Variants in POLR3B observed in about 807,000 individuals in gnomAD.
POLR3B encodes the protein DNA-directed RNA polymerase III subunit RPC2.
POLR3B carries 96 observed loss-of-function variants against 147.4 expected under a neutral mutation model. The ratio of observed to expected loss-of-function variants is 0.65; its 90% CI spans 0.55 to 0.77. The LOEUF is 0.77. POLR3B is among the 30% of genes least tolerant of loss of function. POLR3B has a pLI of 0.00. For synonymous variants in POLR3B, 461 were observed against 485.9 expected (o/e 0.95, Z 0.67); for missense variants, 1,036 against 1,413.5 (o/e 0.73, Z 4.28).
At chr12:106,425,377 G>A (rs1023044831) in intron 12 of POLR3B, among the ~76,000 whole-genome samples, 4 of 152,130 alleles carry the variant, frequency 2.6e-5, no homozygotes, top group Admixed American at 1.3e-4. Flanking sequence ...GACCTCTTCC[G>A]GGGGTAGACT....
At chr12:106,448,417 T>TA (rs1275279731) in intron 19 of POLR3B, among the ~76,000 whole-genome samples, 5 of 145,546 alleles carry the variant, frequency 3.4e-5, no homozygotes, top group Non-Finnish European at 4.5e-5. Context: ...ATTCTTTACA[T>TA]ACGTTATTTC....
chr12:106,358,171 G>C (rs548530540), intron 1 of POLR3B: 33 of 1,438,648 alleles, frequency 2.3e-5, no homozygotes, highest in African/African-American at 5.7e-5. Flanking sequence ...AGCCGCTGCG[G>C]GGGCCGAGAA....
chr12:106,432,517 T>G (rs763109111), intron 15 of POLR3B, 37 bp downstream of exon 15: 97 of 1,532,086 alleles, frequency 6.3e-5, no homozygotes, highest in Non-Finnish European at 8.7e-5. Context: ...TCCTAGATAG[T>G]CTGTGAAGAG....
At chr12:106,459,891 T>C (rs2037912723) in intron 22 of POLR3B, among the ~76,000 whole-genome samples, 1 of 152,218 alleles carries the variant, frequency 6.6e-6, no homozygotes, top group Non-Finnish European at 1.5e-5. Flanking sequence ...AGAGTTAGAC[T>C]TGTTAATCTC....
chr12:106,422,276 C>T (rs1379443507), intron 12 of POLR3B, among the ~76,000 whole-genome samples: 3 of 152,102 alleles, frequency 2.0e-5, no homozygotes, highest in Admixed American at 2.0e-4. Flanking sequence ...GCATCGTCCC[C>T]TTCTCCCTCT....
chr12:106,413,231 A>G (rs1200579953), intron 12 of POLR3B, among the ~76,000 whole-genome samples: 4 of 151,946 alleles, frequency 2.6e-5, no homozygotes, highest in African/African-American at 7.2e-5. Context: ...GATTTCCCCA[A>G]TGTTTTCTTC....
At chr12:106,489,251 CA>C (rs2038379192) in intron 23 of POLR3B, among the ~76,000 whole-genome samples, 1 of 152,216 alleles carries the variant, frequency 6.6e-6, no homozygotes, top group African/African-American at 2.4e-5. Context: ...AAGGACCAGA[CA>C]GCTAGTTTAA....
intron 20 of POLR3B, 79 bp from the exon 21 acceptor site, chr12:106,457,059 T>G (rs1240762193): frequency 8.1e-7 from 1 of 1,241,426 alleles, no homozygotes; most frequent in Non-Finnish European, 1.2e-6. Flanking sequence ...TGGAGTGGAT[T>G]GTTGAGTAGC....
chr12:106,376,559 A>C (rs2036682094), intron 7 of POLR3B, 109 bp downstream of exon 7: 1 of 797,932 alleles, frequency 1.3e-6, no homozygotes, highest in Non-Finnish European at 2.2e-6. Flanking sequence ...CTACTTTATA[A>C]TGAACTTGTT....
At chr12:106,396,906 A>G (rs925087206) in intron 10 of POLR3B, among the ~76,000 whole-genome samples, 1 of 152,178 alleles carries the variant, frequency 6.6e-6, no homozygotes, top group African/African-American at 2.4e-5. Flanking sequence ...AGCCTAGGCA[A>G]CATAGTGAGA....
intron 27 of POLR3B, among the ~76,000 whole-genome samples, chr12:106,507,996 C>CA (rs1271222113): frequency 6.6e-6 from 1 of 152,104 alleles, no homozygotes; most frequent in East Asian, 1.9e-4. Flanking sequence ...AATATACACA[C>CA]AAAAAACTTA....
At position 106,433,927 on chromosome 12, in the gene POLR3B, T is replaced by G. The variant is rs2037543096; in HGVS notation, c.1781+55T>G. 4 of 1,417,472 alleles carry G rather than the reference T, an allele frequency of 2.8e-6. No homozygotes were observed. The East Asian group carries it at 9.2e-5, about 32-fold the overall frequency. The allele number at this position is 1,417,472 out of a possible 1,614,324, so 87.8% of individuals were successfully genotyped here. A position where few individuals can be genotyped will look rare whatever the true frequency, so the allele number is the denominator to read the frequency against. ...TTAAGAATCTCTTTATATTTGCTCT[T>G]GAAAGAAATAGACTTGTTTTTATTT... is the stretch of plus-strand genomic sequence containing the variant. On this transcript the variant is annotated intron_variant, in intron 16 of 27. Coordinates refer to ENST00000228347, the MANE Select transcript of POLR3B (RefSeq NM_018082.6).
At chr12:106,506,808 T>C (rs2038695143) in intron 27 of POLR3B, among the ~76,000 whole-genome samples, 1 of 152,172 alleles carries the variant, frequency 6.6e-6, no homozygotes, top group Admixed American at 6.5e-5. Flanking sequence ...TCTAGTAGTC[T>C]AGCCGCTGCC....
chr12:106,412,743 G>T (rs2037245153), intron 12 of POLR3B, among the ~76,000 whole-genome samples: 1 of 152,142 alleles, frequency 6.6e-6, no homozygotes, highest in Non-Finnish European at 1.5e-5. Context: ...CCATTTGCAG[G>T]CATATGCAGA....
intron 18 of POLR3B, among the ~76,000 whole-genome samples, chr12:106,444,143 A>G (rs1056538784): frequency 6.6e-5 from 10 of 152,306 alleles, no homozygotes; most frequent in Middle Eastern, 3.4e-3. Context: ...TAAAGGACGT[A>G]TATTCCACTC....
intron 23 of POLR3B, among the ~76,000 whole-genome samples, chr12:106,475,953 TC>T (rs2137050854): frequency 1.3e-5 from 2 of 151,148 alleles, no homozygotes; most frequent in East Asian, 3.9e-4. Flanking sequence ...TGCAGTTTCT[TC>T]CTAGTCTCGA....
chr12:106,496,327 A>T (rs1244178182), intron 24 of POLR3B, 169 bp downstream of exon 24: 2 of 698,218 alleles, frequency 2.9e-6, no homozygotes, highest in Admixed American at 4.0e-5. Flanking sequence ...ATTCTGGGCC[A>T]CTCCCCTCTA....
intron 1 of POLR3B, among the ~76,000 whole-genome samples, chr12:106,362,642 C>T (rs927762406): frequency 6.6e-6 from 1 of 152,010 alleles, no homozygotes. Flanking sequence ...TATAAGGACA[C>T]CAGTTGTATT....
At chr12:106,367,276 T>C (rs527867323) in intron 4 of POLR3B, among the ~76,000 whole-genome samples, 1 of 152,338 alleles carries the variant, frequency 6.6e-6, no homozygotes, top group East Asian at 1.9e-4. Flanking sequence ...AAAGAAAAAT[T>C]GCAAAAGTAG....
Sources: allele counts gnomAD v4.1 joint callset (sites outside exome capture counted in the v4.1 genomes callset), GRCh38; gene constraint gnomAD v4.1.1; transcripts MANE v1.5; gene names NCBI Gene and HGNC (gene_info 2026-07-23, HGNC 2026-07-21).